The following RSU1 variants were observed in gnomAD, a reference collection of about 807,000 sequenced individuals.
The protein encoded by RSU1 is Ras suppressor protein 1, also known as rsu-1.
In RSU1, 26 loss-of-function variants were observed where a neutral mutation model predicts 31.1. That is an observed-to-expected ratio of 0.84 (90% CI 0.61 to 1.16). The LOEUF is 1.16. Among genes scored for constraint, RSU1 ranks in the 50% most tolerant of loss-of-function variants. RSU1 has a pLI of 0.00. For missense variants in RSU1, 320 were observed against 339.1 expected (o/e 0.94, Z 0.44); for synonymous variants, 164 against 136.3 (o/e 1.20, Z -1.41).
chr10:16,631,716 T>C (rs1204734729), intron 8 of RSU1, among the ~76,000 whole-genome samples: 1 of 152,262 alleles, frequency 6.6e-6, no homozygotes, highest in Admixed American at 6.5e-5. Flanking sequence ...ACTGCTGGTC[T>C]TATGTTGCCA....
chr10:16,800,782 GC>G (rs1457930344), intron 2 of RSU1, among the ~76,000 whole-genome samples: 1 of 152,106 alleles, frequency 6.6e-6, no homozygotes, highest in Non-Finnish European at 1.5e-5. Flanking sequence ...AATGTATATT[GC>G]AAACTCTAGG....
chr10:16,705,865 C>T (rs528877503), intron 7 of RSU1, among the ~76,000 whole-genome samples: 117 of 152,238 alleles, frequency 7.7e-4, no homozygotes, highest in African/African-American at 2.6e-3. Context: ...TGGTGGTGGA[C>T]TTCTTGGCTC....
At chr10:16,773,603 T>G (rs80062754) in intron 3 of RSU1, among the ~76,000 whole-genome samples, 4,900 of 152,272 alleles carry the variant, frequency 0.032, 258 homozygotes, top group African/African-American at 0.11. Context: ...CTCTGTCGCC[T>G]CCTCATTCTG....
At chr10:16,706,288 C>A (rs1835900680) in intron 7 of RSU1, among the ~76,000 whole-genome samples, 2 of 152,288 alleles carry the variant, frequency 1.3e-5, no homozygotes, top group African/African-American at 4.8e-5. Flanking sequence ...TTTATAGTAA[C>A]CACCCTAATG....
chr10:16,785,776 C>T (rs956827043), intron 2 of RSU1, among the ~76,000 whole-genome samples: 3 of 151,676 alleles, frequency 2.0e-5, no homozygotes, highest in African/African-American at 7.3e-5. Context: ...CCATTTATCC[C>T]ATTGATAAGG....
intron 7 of RSU1, among the ~76,000 whole-genome samples, chr10:16,745,678 C>T (rs1007029646): frequency 6.6e-6 from 1 of 152,110 alleles, no homozygotes; most frequent in Non-Finnish European, 1.5e-5. Flanking sequence ...CCTCCCACAA[C>T]GCGTGGGAAT....
chr10:16,803,641 C>T (rs1170249374), intron 2 of RSU1, among the ~76,000 whole-genome samples: 1 of 152,104 alleles, frequency 6.6e-6, no homozygotes, highest in African/African-American at 2.4e-5. Context: ...ACAAGTAGGT[C>T]ACTGGAATAA....
chr10:16,692,782 T>C lies in RSU1; in HGVS notation c.731+2241A>G, dbSNP rs937963330. ...TAACTGTACATATCTATATGGCTTA[T>C]GAAACAATTAATACACATCCTATAC... On this transcript the variant is annotated intron_variant, in intron 8 of 8. Coordinates refer to ENST00000345264, the MANE Select transcript of RSU1 (RefSeq NM_012425.4). Among the ~76,000 whole-genome samples the C allele has an allele frequency of 3.9e-5, 6 of 152,250 alleles. No individual in the cohort carries two copies. The East Asian group carries it at 9.6e-4, about 24-fold the overall frequency.
chr10:16,683,812 G>A (rs1835383030), intron 8 of RSU1, among the ~76,000 whole-genome samples: 1 of 152,186 alleles, frequency 6.6e-6, no homozygotes, highest in Non-Finnish European at 1.5e-5. Flanking sequence ...AAATATACTG[G>A]TTTGGTCCAA....
intron 7 of RSU1, among the ~76,000 whole-genome samples, chr10:16,728,936 T>G (rs1038694971): frequency 1.3e-5 from 2 of 152,198 alleles, no homozygotes; most frequent in Non-Finnish European, 2.9e-5. Flanking sequence ...TGGAGTCTAA[T>G]TCAGTGAAAA....
At chr10:16,692,419 T>C (rs1033080919) in intron 8 of RSU1, among the ~76,000 whole-genome samples, 3 of 152,248 alleles carry the variant, frequency 2.0e-5, no homozygotes, top group African/African-American at 7.2e-5. Flanking sequence ...TAAAGTGATC[T>C]ATGGAAAACT....
intron 7 of RSU1, among the ~76,000 whole-genome samples, chr10:16,698,357 C>T (rs1335094708): frequency 1.3e-5 from 2 of 152,052 alleles, no homozygotes; most frequent in Non-Finnish European, 2.9e-5. Flanking sequence ...GGAATAGGGA[C>T]GTATTTCTGC....
chr10:16,811,149 A>G (rs1838400323), intron 2 of RSU1, among the ~76,000 whole-genome samples: 1 of 152,178 alleles, frequency 6.6e-6, no homozygotes. Context: ...ACAATTCCCT[A>G]TGGGATTCCA....
chr10:16,736,545 AC>A (rs1211108520), intron 7 of RSU1, among the ~76,000 whole-genome samples: 1 of 152,142 alleles, frequency 6.6e-6, no homozygotes, highest in African/African-American at 2.4e-5. Flanking sequence ...CTAGAATGAA[AC>A]CCAACAGACC....
intron 3 of RSU1, among the ~76,000 whole-genome samples, chr10:16,768,025 G>C (rs765744402): frequency 1.3e-5 from 2 of 152,172 alleles, no homozygotes; most frequent in Non-Finnish European, 2.9e-5. Context: ...ATATCTACAG[G>C]ATGCATGAGC....
At chr10:16,748,163 C>A (rs948788352) in intron 7 of RSU1, 1 of 152,228 alleles carries the variant, frequency 6.6e-6, no homozygotes, top group Non-Finnish European at 1.5e-5. Flanking sequence ...GAAATCTAGT[C>A]TCTTACTGTT....
intron 2 of RSU1, among the ~76,000 whole-genome samples, chr10:16,801,431 G>A (rs994143360): frequency 7.9e-5 from 12 of 152,088 alleles, no homozygotes; most frequent in African/African-American, 1.7e-4. Context: ...AAACAAATCC[G>A]CTATTATACT....
chr10:16,773,703 A>G (rs1198330981), intron 3 of RSU1, among the ~76,000 whole-genome samples: 1 of 152,138 alleles, frequency 6.6e-6, no homozygotes. Context: ...TTCCTGCTGA[A>G]GTTATTATAT....
At chr10:16,731,017 T>C (rs2131600181) in intron 7 of RSU1, among the ~76,000 whole-genome samples, 1 of 152,010 alleles carries the variant, frequency 6.6e-6, no homozygotes, top group East Asian at 1.9e-4. Flanking sequence ...AGAGATGGGG[T>C]TTCACCATGT....
Sources: allele counts gnomAD v4.1 joint callset (sites outside exome capture counted in the v4.1 genomes callset), GRCh38; gene constraint gnomAD v4.1.1; transcripts MANE v1.5; gene names NCBI Gene and HGNC (gene_info 2026-07-23, HGNC 2026-07-21).